Variants in EXOC2 observed in about 807,000 individuals in gnomAD.
The protein encoded by EXOC2 is exocyst complex component 2.
In EXOC2, 70 loss-of-function variants were observed where a neutral mutation model predicts 131.8. The observed-to-expected ratio is 0.53, with a 90% CI of 0.44 to 0.65. The LOEUF (loss-of-function observed/expected upper bound fraction) is 0.65, where lower values mean the gene tolerates loss of function less well. Ranked by LOEUF, EXOC2 falls within the 30% of genes least tolerant of loss-of-function variation. The pLI, the probability that EXOC2 is intolerant of heterozygous loss-of-function variation, is 0.00. For synonymous variants in EXOC2, 411 were observed against 398.4 expected, an observed-to-expected ratio of 1.03 and a Z score of -0.38; for missense variants, 923 against 1,108.6, an observed-to-expected ratio of 0.83 and a Z score of 2.38.
At chr6:565,008 G>A (rs2127586202) in intron 13 of EXOC2, 79 bp from the exon 14 acceptor site, 1 of 1,096,834 alleles carries the variant, frequency 9.1e-7, no homozygotes, top group African/African-American at 1.6e-5. Context: ...TGTACATCAA[G>A]AGAACATTAA....
intron 13 of EXOC2, among the ~76,000 whole-genome samples, chr6:568,935 A>G (rs1221569158): frequency 6.6e-6 from 1 of 152,194 alleles, no homozygotes; most frequent in East Asian, 1.9e-4. Flanking sequence ...AAATTCAAGG[A>G]TTTGTCTCCA....
At position 540,416 on chromosome 6, in the gene EXOC2, T is replaced by C. The variant is rs143388748; in HGVS notation, c.2239-7806A>G. On this transcript the variant is annotated intron_variant, in intron 22 of 27. Coordinates refer to ENST00000230449, the MANE Select transcript of EXOC2 (RefSeq NM_018303.6). Reference sequence around the variant, plus strand: ...CTGGAAAGAACTTTACTGCTACCACTATCTCCTTCCCTGATTTCTGAATTA... The same window carrying C: ...CTGGAAAGAACTTTACTGCTACCACCATCTCCTTCCCTGATTTCTGAATTA... Among the ~76,000 whole-genome samples, 203 of 152,342 alleles carry C rather than the reference T, an allele frequency of 1.3e-3. No homozygotes were observed. The Middle Eastern group carries it at 0.024, about 18-fold the overall frequency.
chr6:617,472 T>TA (rs967022408), intron 6 of EXOC2, among the ~76,000 whole-genome samples: 9 of 152,240 alleles, frequency 5.9e-5, no homozygotes, highest in African/African-American at 2.2e-4. Context: ...CACAGAGAGT[T>TA]AAAGTAGTCT....
chr6:514,982 C>T (rs746474335), intron 23 of EXOC2, among the ~76,000 whole-genome samples: 9 of 152,340 alleles, frequency 5.9e-5, no homozygotes, highest in Admixed American at 1.3e-4. Flanking sequence ...CTGGTGGCTT[C>T]GCTCTAAACG....
chr6:592,521 C>G lies in EXOC2; in HGVS notation c.1140G>C (p.Trp380Cys). The change falls in exon 11 of 28, where the codon TGG becomes TGC. Residue 380 changes from tryptophan to cysteine, a missense_variant. Trp to Cys is a radical substitution (Grantham distance 215). Coordinates refer to ENST00000230449, the MANE Select transcript of EXOC2 (RefSeq NM_018303.6). ...AWQCIGAQHK[W>C]ILQLMHSCKE... The stretch of plus-strand genomic sequence containing the variant: ...TGCAACTGTGCATGAGCTGAAGGAT[C>G]CACTTGTGTTGGGCTCCAATGCATT... 6.2e-7 allele frequency: 1 copy of G among 1,614,056 alleles called. No individual in the cohort carries two copies. Among genetic ancestry groups the G allele is most frequent in the African/African-American group, 1.3e-5 (1 of 75,006 alleles).
intron 8 of EXOC2, 65 bp downstream of exon 8, chr6:599,015 C>G: frequency 1.3e-6 from 2 of 1,559,688 alleles, no homozygotes; most frequent in African/African-American, 1.4e-5. Context: ...TAAAAAACAT[C>G]TTAAAAAATC....
intron 20 of EXOC2, among the ~76,000 whole-genome samples, chr6:554,383 G>A (rs543221993): frequency 6.6e-6 from 1 of 152,250 alleles, no homozygotes; most frequent in South Asian, 2.1e-4. Context: ...TTAACAGCTC[G>A]AAGAAGGTAC....
chr6:545,153 C>CAAAAAA (rs36051866), intron 22 of EXOC2, among the ~76,000 whole-genome samples: 1 of 85,492 alleles, frequency 1.2e-5, no homozygotes, highest in Admixed American at 1.5e-4. Context: ...GACTCCGTCT[C>CAAAAAA]AAAAAAAAAA....
intron 23 of EXOC2, among the ~76,000 whole-genome samples, chr6:528,825 C>CG (rs1210340856): frequency 8.5e-5 from 13 of 152,326 alleles, no homozygotes; most frequent in Admixed American, 7.2e-4. Flanking sequence ...CGAGGCTTGT[C>CG]TAGTTCAATG....
In EXOC2 at chr6:488,136, C is replaced by T. The variant is rs372243159; in HGVS notation, c.2681+843G>A. On this transcript the variant is annotated intron_variant, in intron 27 of 27. Coordinates refer to ENST00000230449, the MANE Select transcript of EXOC2 (RefSeq NM_018303.6). ...GTGCGGGGCGGGGCGGCGATGCCCC[C>T]GGGGACTGATGGTGGAAGGGCTGGT... Among the ~76,000 whole-genome samples, 29 of 152,226 alleles carry T rather than the reference C, an allele frequency of 1.9e-4. No homozygotes were observed. In the East Asian group the frequency reaches 4.6e-3, roughly 24 times the overall value.
At chr6:550,819 G>A (rs1757105991) in intron 21 of EXOC2, among the ~76,000 whole-genome samples, 1 of 152,180 alleles carries the variant, frequency 6.6e-6, no homozygotes, top group Non-Finnish European at 1.5e-5. Flanking sequence ...ACCTCAGCTG[G>A]TTGCTCAGTT....
chr6:575,334 T>C (rs1758515655), intron 12 of EXOC2, among the ~76,000 whole-genome samples: 1 of 152,258 alleles, frequency 6.6e-6, no homozygotes, highest in African/African-American at 2.4e-5. Flanking sequence ...AAATCAGTGA[T>C]ATTTGCTTCA....
At chr6:610,849 G>C (rs1212722472) in intron 6 of EXOC2, among the ~76,000 whole-genome samples, 1 of 151,928 alleles carries the variant, frequency 6.6e-6, no homozygotes, top group African/African-American at 2.4e-5. Context: ...AATTTTCTTT[G>C]AAATTCTAAA....
chr6:569,426 A>G (rs1758148793), intron 13 of EXOC2, among the ~76,000 whole-genome samples: 1 of 152,222 alleles, frequency 6.6e-6, no homozygotes, highest in Admixed American at 6.5e-5. Context: ...ACTTCATCTA[A>G]ATTTTTAACG....
chr6:655,786 T>C (rs1247250252), intron 1 of EXOC2, among the ~76,000 whole-genome samples: 9 of 152,182 alleles, frequency 5.9e-5, no homozygotes, highest in Non-Finnish European at 1.3e-4. Flanking sequence ...TATAATAAAA[T>C]ACTGATGCAA....
At chr6:657,008 G>T in intron 1 of EXOC2, 1 of 1,322,824 alleles carries the variant, frequency 7.6e-7, no homozygotes, top group South Asian at 1.6e-5. Flanking sequence ...AGCCCTTCCG[G>T]TCCGCTGGGG....
chr6:507,517 T>C (rs1289659505), intron 23 of EXOC2, among the ~76,000 whole-genome samples: 1 of 152,084 alleles, frequency 6.6e-6, no homozygotes, highest in African/African-American at 2.4e-5. Flanking sequence ...ATGCATGAAA[T>C]ACAATTGTTC....
intron 22 of EXOC2, among the ~76,000 whole-genome samples, chr6:545,201 A>T (rs2982492): frequency 2.0e-5 from 3 of 150,342 alleles, no homozygotes; most frequent in South Asian, 2.1e-4. Context: ...ATTTAATGCC[A>T]GCCATGTTTA....
At chr6:658,953 C>T (rs145878104) in intron 1 of EXOC2, among the ~76,000 whole-genome samples, 117 of 152,166 alleles carry the variant, frequency 7.7e-4, no homozygotes, top group East Asian at 4.1e-3. Flanking sequence ...TGAGCCACTG[C>T]GCCCAGCCAA....
Sources: gnomAD v4.1 joint callset for allele counts (sites outside exome capture counted in the v4.1 genomes callset) on GRCh38, gnomAD v4.1.1 for gene constraint, MANE v1.5 for transcripts, NCBI Gene and HGNC (gene_info 2026-07-23, HGNC 2026-07-21) for gene names.